Variants in CNTNAP2 observed in about 807,000 individuals in gnomAD.
CNTNAP2 encodes the protein contactin-associated protein-like 2.
In CNTNAP2, 98 loss-of-function variants were observed where a neutral mutation model predicts 155.2. That is an observed-to-expected ratio of 0.63 (90% CI 0.54 to 0.75). CNTNAP2 has a LOEUF of 0.75. Ranked by LOEUF, CNTNAP2 falls within the 30% of genes least tolerant of loss-of-function variation. The pLI, the probability that CNTNAP2 is intolerant of heterozygous loss-of-function variation, is 0.00. For missense variants in CNTNAP2, 1,727 were observed against 1,688.1 expected (o/e 1.02, Z -0.40); for synonymous variants, 651 against 631.2 (o/e 1.03, Z -0.47).
chr7:146,806,744 C>G (rs993432248), intron 2 of CNTNAP2, among the ~76,000 whole-genome samples: 2 of 152,054 alleles, frequency 1.3e-5, no homozygotes, highest in Non-Finnish European at 2.9e-5. Flanking sequence ...TTAAAATGCC[C>G]TTCATCTGGT....
chr7:147,334,939 A>G (rs1220914809), intron 9 of CNTNAP2, among the ~76,000 whole-genome samples: 2 of 152,148 alleles, frequency 1.3e-5, no homozygotes, highest in East Asian at 3.9e-4. Context: ...TTATCCAAAC[A>G]CTCATTTTAT....
At chr7:146,212,313 G>A (rs1026525195) in intron 1 of CNTNAP2, among the ~76,000 whole-genome samples, 4 of 152,094 alleles carry the variant, frequency 2.6e-5, no homozygotes, top group Admixed American at 6.6e-5. Context: ...GATGGAAGAC[G>A]TAGCATTCAC....
chr7:146,933,524 A>G (rs903921988), intron 3 of CNTNAP2, among the ~76,000 whole-genome samples: 14 of 151,098 alleles, frequency 9.3e-5, no homozygotes, highest in Middle Eastern at 3.2e-3. Context: ...GGACATAGGC[A>G]TGGGCAAGGA....
chr7:146,253,105 A>G (rs971939490), intron 1 of CNTNAP2, among the ~76,000 whole-genome samples: 2 of 152,220 alleles, frequency 1.3e-5, no homozygotes, highest in African/African-American at 2.4e-5. Flanking sequence ...CTGTGTTTTC[A>G]TGAATTTCAC....
chr7:147,091,373 C>G (rs1255401112), intron 4 of CNTNAP2, among the ~76,000 whole-genome samples: 1 of 152,060 alleles, frequency 6.6e-6, no homozygotes, highest in Non-Finnish European at 1.5e-5. Context: ...TCAGCATGCT[C>G]TTTGTCGTGC....
At chr7:146,499,365 C>T (rs966380790) in intron 1 of CNTNAP2, among the ~76,000 whole-genome samples, 2 of 151,906 alleles carry the variant, frequency 1.3e-5, no homozygotes, top group Non-Finnish European at 2.9e-5. Context: ...ATTTTTAGTA[C>T]AGACCGGGTT....
intron 3 of CNTNAP2, among the ~76,000 whole-genome samples, chr7:146,997,545 G>T (rs1169489302): frequency 6.6e-6 from 1 of 152,010 alleles, no homozygotes; most frequent in Non-Finnish European, 1.5e-5. Flanking sequence ...AGATTTAATT[G>T]TATCAGGATA....
chr7:146,300,500 T>C (rs1349574296), intron 1 of CNTNAP2, among the ~76,000 whole-genome samples: 2 of 152,072 alleles, frequency 1.3e-5, no homozygotes, highest in Non-Finnish European at 2.9e-5. Flanking sequence ...AAGAACAGCT[T>C]ACTAAAAACA....
At chr7:146,250,548 A>T (rs531318443) in intron 1 of CNTNAP2, among the ~76,000 whole-genome samples, 1 of 152,314 alleles carries the variant, frequency 6.6e-6, no homozygotes, top group African/African-American at 2.4e-5. Flanking sequence ...CCAGCTTCAC[A>T]GTCTCTGTGA....
At chr7:148,223,317 C>G (rs375578244) in intron 19 of CNTNAP2, among the ~76,000 whole-genome samples, 4 of 152,146 alleles carry the variant, frequency 2.6e-5, no homozygotes, top group African/African-American at 9.7e-5. Context: ...TTATCTGTCT[C>G]TGTGATAAAT....
intron 1 of CNTNAP2, among the ~76,000 whole-genome samples, chr7:146,645,282 G>A (rs1169358864): frequency 6.6e-6 from 1 of 152,144 alleles, no homozygotes; most frequent in Non-Finnish European, 1.5e-5. Context: ...TTCGAAAGAG[G>A]CACAGAGTTA....
chr7:147,676,382 A>G (rs1484152159), intron 13 of CNTNAP2, among the ~76,000 whole-genome samples: 1 of 151,968 alleles, frequency 6.6e-6, no homozygotes, highest in African/African-American at 2.4e-5. Flanking sequence ...TAATATATTT[A>G]TTTGCTAATT....
intron 2 of CNTNAP2, among the ~76,000 whole-genome samples, chr7:146,819,479 A>G (rs1297325279): frequency 1.3e-5 from 2 of 152,014 alleles, no homozygotes; most frequent in Admixed American, 1.3e-4. Flanking sequence ...CTCACTTGGC[A>G]TTCCTTTTCT....
chr7:147,106,523 T>C (rs1207136818), intron 4 of CNTNAP2, among the ~76,000 whole-genome samples: 10 of 152,092 alleles, frequency 6.6e-5, no homozygotes, highest in Admixed American at 2.0e-4. Context: ...AAGAAAGTCT[T>C]TTTATGGGCA....
intron 3 of CNTNAP2, among the ~76,000 whole-genome samples, chr7:146,891,758 A>G (rs1006149264): frequency 6.6e-6 from 1 of 152,194 alleles, no homozygotes; most frequent in African/African-American, 2.4e-5. Flanking sequence ...GTCAGCTCCC[A>G]CTGTCACCAG....
At chr7:147,958,887 G>C (rs116966036) in intron 14 of CNTNAP2, among the ~76,000 whole-genome samples, 3,260 of 152,176 alleles carry the variant, frequency 0.021, 54 homozygotes, top group Middle Eastern at 0.051. Context: ...GCTAAATACA[G>C]ATTTTTTTGC....
At chr7:146,183,072 A>G (rs1489188357) in intron 1 of CNTNAP2, among the ~76,000 whole-genome samples, 1 of 152,178 alleles carries the variant, frequency 6.6e-6, no homozygotes, top group Non-Finnish European at 1.5e-5. Context: ...TCTTCTTGGA[A>G]TGGTATTTTT....
chr7:146,782,503 G>A (rs1203418572), intron 2 of CNTNAP2, among the ~76,000 whole-genome samples: 1 of 152,132 alleles, frequency 6.6e-6, no homozygotes, highest in Non-Finnish European at 1.5e-5. Flanking sequence ...CCAAGGACAA[G>A]CATGGGATTA....
intron 13 of CNTNAP2, among the ~76,000 whole-genome samples, chr7:147,707,013 A>T (rs1206427969): frequency 2.0e-5 from 3 of 151,476 alleles, no homozygotes; most frequent in African/African-American, 7.3e-5. Flanking sequence ...CTCTTTGGTA[A>T]ATTTCTCATT....
Sources: gnomAD v4.1 joint callset for allele counts (sites outside exome capture counted in the v4.1 genomes callset) on GRCh38, gnomAD v4.1.1 for gene constraint, MANE v1.5 for transcripts, NCBI Gene and HGNC (gene_info 2026-07-23, HGNC 2026-07-21) for gene names.